Variants in LTBP2 observed in about 807,000 individuals in gnomAD.
LTBP2 encodes the protein latent transforming growth factor beta binding protein 2, also known as latent-transforming growth factor beta-binding protein 2.
Under a neutral mutation model 210.6 loss-of-function variants are expected in LTBP2, and 103 were observed. That is an observed-to-expected ratio of 0.49 (90% CI 0.42 to 0.58). The LOEUF is 0.58. Among genes scored for constraint, LTBP2 ranks in the 20% least tolerant of loss-of-function variants. The pLI is 0.00. For missense variants in LTBP2, 2,313 were observed against 2,494.5 expected, an observed-to-expected ratio of 0.93 and a Z score of 1.55; for synonymous variants, 1,007 against 1,015.0, an observed-to-expected ratio of 0.99 and a Z score of 0.15.
chr14:74,507,911 C>A, intron 25 of LTBP2, 62 bp downstream of exon 25: 1 of 1,608,126 alleles, frequency 6.2e-7, no homozygotes, highest in Non-Finnish European at 8.5e-7. Context: ...AGCTAAGGAC[C>A]AGGCAGTGTA....
chr14:74,597,233 G>C (rs1215603553), intron 2 of LTBP2, among the ~76,000 whole-genome samples: 2 of 152,186 alleles, frequency 1.3e-5, no homozygotes, highest in Non-Finnish European at 2.9e-5. Context: ...ATTACTGTTA[G>C]TATTGCATGT....
chr14:74,498,583 A>G lies in LTBP2; in HGVS notation c.*2301T>C, dbSNP rs887511960. ...TGCATAGTATGCTATTTGTATTTTAAACAAAGGAAATATGTATATATGCAT... is the reference window on the plus strand; with the variant it reads ...TGCATAGTATGCTATTTGTATTTTAGACAAAGGAAATATGTATATATGCAT... On this transcript the variant is annotated 3_prime_UTR_variant, in exon 36 of 36. Transcript: ENST00000261978. The G allele has an allele frequency of 2.6e-5, 6 of 229,716 alleles. No homozygotes were observed. The highest frequency in any genetic ancestry group is 1.3e-4 in the African/African-American group (6 of 45,136). 14.2% of individuals were successfully genotyped at this position (229,716 alleles called of 1,614,324 possible).
chr14:74,601,645 G>A (rs559201252), intron 2 of LTBP2, among the ~76,000 whole-genome samples: 8 of 152,226 alleles, frequency 5.3e-5, no homozygotes, highest in Non-Finnish European at 8.8e-5. Context: ...TCAGGGCCAC[G>A]AGGCCTGAGG....
intron 8 of LTBP2, among the ~76,000 whole-genome samples, chr14:74,546,613 G>A (rs539347092): frequency 5.5e-4 from 84 of 152,366 alleles, no homozygotes; most frequent in African/African-American, 1.8e-3. Flanking sequence ...CACAGTAGGG[G>A]AGGCCACCAT....
At chr14:74,535,207 C>T (rs1373397870) in intron 9 of LTBP2, among the ~76,000 whole-genome samples, 1 of 152,090 alleles carries the variant, frequency 6.6e-6, no homozygotes, top group South Asian at 2.1e-4. Flanking sequence ...AGGAAGACAG[C>T]CCAGCCATGC....
At chr14:74,584,738 C>A (rs1026266783) in intron 3 of LTBP2, among the ~76,000 whole-genome samples, 16 of 152,150 alleles carry the variant, frequency 1.1e-4, no homozygotes, top group African/African-American at 3.9e-4. Context: ...CTCCTAGCTG[C>A]CCTTGGAAAA....
Position 74,567,455 on chromosome 14 carries a change from A to T in LTBP2, c.831-11762T>A, listed in dbSNP as rs554576754. 1.5e-3 allele frequency among the ~76,000 whole-genome samples: 233 copies of T among 152,208 alleles called. 2 individuals are homozygous for T. Among genetic ancestry groups the T allele is most frequent in the Non-Finnish European group, 2.0e-3 (135 of 67,962 alleles). On this transcript the variant is annotated intron_variant, in intron 3 of 35. Transcript: ENST00000261978. ...ACTGGGCTCACACCCGGGCCACCTC[A>T]GGGGCAGAGGCGGGGTGGGGGTGGC...
intron 3 of LTBP2, among the ~76,000 whole-genome samples, chr14:74,571,988 G>T (rs1036183620): frequency 1.3e-5 from 2 of 150,622 alleles, no homozygotes; most frequent in South Asian, 4.2e-4. Flanking sequence ...CAGAATGCTT[G>T]TCGCAGCTAC....
chr14:74,524,018 G>T (rs1419621304), intron 15 of LTBP2, among the ~76,000 whole-genome samples: 1 of 152,136 alleles, frequency 6.6e-6, no homozygotes, highest in Non-Finnish European at 1.5e-5. Flanking sequence ...CTGCCCAGAG[G>T]GGTGAGGTTA....
intron 3 of LTBP2, among the ~76,000 whole-genome samples, chr14:74,578,305 G>A (rs1038561517): frequency 1.3e-5 from 2 of 152,200 alleles, no homozygotes; most frequent in African/African-American, 4.8e-5. Context: ...CCGACTGTGT[G>A]GCAGACACCC....
intron 3 of LTBP2, among the ~76,000 whole-genome samples, chr14:74,579,183 C>A (rs1157896796): frequency 1.3e-5 from 2 of 152,186 alleles, no homozygotes; most frequent in African/African-American, 4.8e-5. Flanking sequence ...GATTCTGCCT[C>A]GTCACTGGGA....
At chr14:74,608,111 G>A (rs980736585) in intron 1 of LTBP2, among the ~76,000 whole-genome samples, 2 of 150,428 alleles carry the variant, frequency 1.3e-5, no homozygotes, top group African/African-American at 4.9e-5. Context: ...TAGTAGAGAC[G>A]GGGTTTCACC....
rs1296682446 is a variant in LTBP2, at chr14:74,611,832, TC to T, written c.112del (p.Asp38ThrfsTer3). 6.2e-6 allele frequency: 10 copies of T among 1,611,346 alleles called. No homozygotes were observed. Among genetic ancestry groups the T allele is most frequent in the African/African-American group, 1.3e-5 (1 of 74,838 alleles). ...LFVGAGHAQR[D>X]PVGRYEPAGG... ...AGCCGGCTCGTATCTCCCTACGGGG[TC>T]CCTTTGGGCATGACCCGCGCCCACG... On this transcript the variant is annotated frameshift_variant, in exon 1 of 36. Coordinates refer to ENST00000261978, the MANE Select transcript of LTBP2 (RefSeq NM_000428.3). LOFTEE classifies it high-confidence loss of function.
At position 74,552,171 on chromosome 14, in the gene LTBP2, C is replaced by T. The variant is rs1296679868; in HGVS notation, c.1399+16G>A. ...TCCTCCCAGGGTCCCGCCGGCCCAG[C>T]TGTGCCGGCACTCACCCAGCTGGTT... On this transcript the variant is annotated intron_variant, in intron 6 of 35. Coordinates refer to ENST00000261978, the MANE Select transcript of LTBP2 (RefSeq NM_000428.3). The T allele has an allele frequency of 1.3e-6, 2 of 1,584,534 alleles. No homozygotes were observed. The highest frequency in any genetic ancestry group is 8.6e-7 in the Non-Finnish European group (1 of 1,168,168).
intron 3 of LTBP2, among the ~76,000 whole-genome samples, chr14:74,578,954 CA>C (rs1346834564): frequency 6.6e-6 from 1 of 152,238 alleles, no homozygotes; most frequent in East Asian, 1.9e-4. Context: ...CTCCCGGGTT[CA>C]AGCAATTCCC....
At chr14:74,524,689 A>G (rs541353909) in intron 15 of LTBP2, among the ~76,000 whole-genome samples, 1 of 152,022 alleles carries the variant, frequency 6.6e-6, no homozygotes, top group South Asian at 2.1e-4. Flanking sequence ...AAATAGAACC[A>G]TGTTCCTTCC....
Position 74,585,997 on chromosome 14 carries a change from G to A in LTBP2, c.687C>T (p.Pro229=). Residue 229 remains proline, a synonymous_variant, in exon 3 of 36, where the codon CCC becomes CCT. Transcript: ENST00000261978. ...EEVIPDEEFD[P]QNSRLAPRRW... is the part of the protein sequence containing the mutation. Reference sequence around the variant, plus strand: ...GTCGAGGTGCCAGCCTGGAGTTCTGGGGGTCAAATTCCTCATCGGGAATGA... The same window carrying A: ...GTCGAGGTGCCAGCCTGGAGTTCTGAGGGTCAAATTCCTCATCGGGAATGA... The A allele has an allele frequency of 6.2e-7, 1 of 1,611,520 alleles. No individual in the cohort carries two copies. The highest frequency in any genetic ancestry group is 1.1e-5 in the South Asian group (1 of 90,594).
At position 74,611,662 on chromosome 14, in the gene LTBP2, G is replaced by A. The variant is rs1310965958; in HGVS notation, c.283C>T (p.Pro95Ser). The change falls in exon 1 of 36, where the codon CCC (proline) becomes TCC (serine). Residue 95 changes from proline to serine, a missense_variant. Pro to Ser is a moderately conservative substitution (Grantham distance 74). Around this residue, in one of 3 missense-constraint regions of LTBP2, gnomAD observed 1,867 missense variants for 1,976.9 expected, o/e 0.94. Coordinates refer to ENST00000261978, the MANE Select transcript of LTBP2 (RefSeq NM_000428.3). ...VERAQPGWGS[P>S]RRPTEAEARR... ...GCCTCCGCCTCGGTGGGCCTCCTGG[G>A]GCTCCCCCAGCCCGGCTGGGCCCGC... 27 of 1,558,876 alleles carry A rather than the reference G, an allele frequency of 1.7e-5. No homozygotes were observed. The highest frequency in any genetic ancestry group is 2.2e-5 in the Non-Finnish European group (26 of 1,158,300).
intron 30 of LTBP2, among the ~76,000 whole-genome samples, chr14:74,504,292 G>A (rs2086954460): frequency 6.6e-6 from 1 of 152,226 alleles, no homozygotes; most frequent in South Asian, 2.1e-4. Flanking sequence ...CGTGTAGCCA[G>A]CACCCAAGAA....
Sources: gnomAD v4.1 joint callset for allele counts (sites outside exome capture counted in the v4.1 genomes callset) on GRCh38, gnomAD v4.1.1 for gene constraint, gnomAD v4.1.1 regional missense constraint, MANE v1.5 for transcripts, NCBI Gene and HGNC (gene_info 2026-07-23, HGNC 2026-07-21) for gene names.